Variants in CNTNAP2 observed in about 807,000 individuals in gnomAD.
The protein encoded by CNTNAP2 is contactin associated protein 2.
CNTNAP2 carries 98 observed loss-of-function variants against 155.2 expected under a neutral mutation model. The observed-to-expected ratio is 0.63, with a 90% CI of 0.54 to 0.75. The LOEUF is 0.75. CNTNAP2 is among the 30% of genes least tolerant of loss of function. CNTNAP2 has a pLI of 0.00. For missense variants in CNTNAP2, 1,727 were observed against 1,688.1 expected, an observed-to-expected ratio of 1.02 and a Z score of -0.40; for synonymous variants, 651 against 631.2, an observed-to-expected ratio of 1.03 and a Z score of -0.47.
chr7:147,231,790 T>C (rs1483698970), intron 8 of CNTNAP2, among the ~76,000 whole-genome samples: 4 of 152,226 alleles, frequency 2.6e-5, no homozygotes, highest in Non-Finnish European at 4.4e-5. Context: ...TTTTAAACAT[T>C]GAGTTGTGTG....
At position 146,680,975 on chromosome 7, in the gene CNTNAP2, TA is replaced by T. The variant is rs1800491686; in HGVS notation, c.98-93289del. ...CTATCAAAGCTGATGAGATGAATAC[TA>T]AAAAAAGGTTAATCAAAGTTTGACA... is the stretch of plus-strand genomic sequence containing the variant. On this transcript the variant is annotated intron_variant, in intron 1 of 23. Transcript: ENST00000361727. Among the ~76,000 whole-genome samples, 5 of 152,078 alleles carry T rather than the reference TA, an allele frequency of 3.3e-5. No homozygotes were observed. The South Asian group carries it at 1.0e-3, about 32-fold the overall frequency.
chr7:146,953,674 A>T (rs983754398), intron 3 of CNTNAP2, among the ~76,000 whole-genome samples: 14 of 151,952 alleles, frequency 9.2e-5, no homozygotes, highest in Non-Finnish European at 1.9e-4. Context: ...AATGGCTATG[A>T]ACTTGTTGAA....
intron 1 of CNTNAP2, among the ~76,000 whole-genome samples, chr7:146,428,040 G>A (rs1050050676): frequency 1.1e-4 from 16 of 152,148 alleles, no homozygotes; most frequent in African/African-American, 3.6e-4. Flanking sequence ...ATGGCCCCCA[G>A]CTCCATCCGT....
intron 1 of CNTNAP2, among the ~76,000 whole-genome samples, chr7:146,476,826 G>A (rs566183730): frequency 3.3e-5 from 5 of 152,100 alleles, no homozygotes; most frequent in African/African-American, 1.2e-4. Flanking sequence ...AAATTACTTG[G>A]CGAGTAGGGC....
rs141092312 is a variant in CNTNAP2 at position 147,705,744 on chromosome 7, G to A, written c.2098+66438G>A. ...ATATCCAGGTGTTCCAGTGTTAGGT[G>A]CATATGTGTTTAGAATTTTTATATC... On this transcript the variant is annotated intron_variant, in intron 13 of 23. Coordinates refer to ENST00000361727, the MANE Select transcript of CNTNAP2 (RefSeq NM_014141.6). Among the ~76,000 whole-genome samples the A allele has an allele frequency of 6.7e-4, 102 of 152,218 alleles. 1 individual carries two copies. The highest frequency in any genetic ancestry group is 3.4e-4 in the Non-Finnish European group (23 of 67,982).
chr7:146,490,284 C>T (rs1364077655), intron 1 of CNTNAP2, among the ~76,000 whole-genome samples: 2 of 152,094 alleles, frequency 1.3e-5, no homozygotes, highest in African/African-American at 4.8e-5. Flanking sequence ...AAAAATATGG[C>T]AGTGAATAAT....
At chr7:146,616,433 T>C (rs1799225366) in intron 1 of CNTNAP2, among the ~76,000 whole-genome samples, 1 of 152,162 alleles carries the variant, frequency 6.6e-6, no homozygotes, top group Admixed American at 6.5e-5. Flanking sequence ...GTGAGGATGA[T>C]GATTGTTCAA....
At chr7:147,282,494 A>T (rs1214193434) in intron 8 of CNTNAP2, among the ~76,000 whole-genome samples, 1 of 151,812 alleles carries the variant, frequency 6.6e-6, no homozygotes, top group Non-Finnish European at 1.5e-5. Context: ...CAAGAGTTAA[A>T]CATTAGGCTA....
intron 10 of CNTNAP2, among the ~76,000 whole-genome samples, chr7:147,428,681 T>C (rs1179993448): frequency 6.6e-6 from 1 of 152,182 alleles, no homozygotes; most frequent in African/African-American, 2.4e-5. Flanking sequence ...TTAAAACAGA[T>C]TCATGCTTTA....
chr7:147,285,202 A>G (rs1805149129), intron 8 of CNTNAP2, among the ~76,000 whole-genome samples: 1 of 151,924 alleles, frequency 6.6e-6, no homozygotes, highest in Admixed American at 6.6e-5. Context: ...ATATTTTAAG[A>G]TGTCTTTTCC....
At chr7:148,333,136 C>A (rs767288566) in intron 21 of CNTNAP2, among the ~76,000 whole-genome samples, 2 of 152,102 alleles carry the variant, frequency 1.3e-5, no homozygotes, top group Non-Finnish European at 2.9e-5. Flanking sequence ...TCAAAACACT[C>A]ATTTTTTCAG....
chr7:146,954,637 A>G (rs940411057), intron 3 of CNTNAP2, among the ~76,000 whole-genome samples: 1 of 151,564 alleles, frequency 6.6e-6, no homozygotes, highest in African/African-American at 2.4e-5. Flanking sequence ...CATTGTTTCT[A>G]TATCTTTTTG....
intron 1 of CNTNAP2, among the ~76,000 whole-genome samples, chr7:146,717,349 A>T (rs1207150091): frequency 1.8e-4 from 14 of 78,592 alleles, no homozygotes; most frequent in Middle Eastern, 5.7e-3. Context: ...CTAAAAAATT[A>T]AAAAAAAAAA....
intron 8 of CNTNAP2, among the ~76,000 whole-genome samples, chr7:147,200,863 T>C (rs1304369277): frequency 6.6e-6 from 1 of 152,230 alleles, no homozygotes; most frequent in East Asian, 1.9e-4. Context: ...TTCGTTGTTT[T>C]TGTCTGCTTG....
chr7:147,827,791 C>T (rs1584977226), intron 13 of CNTNAP2, among the ~76,000 whole-genome samples: 3 of 152,122 alleles, frequency 2.0e-5, no homozygotes, highest in South Asian at 4.2e-4. Flanking sequence ...AGGTTTCTGA[C>T]CAGTTGTTTT....
intron 13 of CNTNAP2, among the ~76,000 whole-genome samples, chr7:147,698,227 G>A (rs894134839): frequency 2.0e-5 from 3 of 152,156 alleles, no homozygotes; most frequent in Non-Finnish European, 4.4e-5. Context: ...CCAGACTGAA[G>A]ATACCTAATC....
In CNTNAP2 at chr7:146,502,224, A is replaced by AATATATATAT. The variant is rs59759183; in HGVS notation, c.98-272020_98-272011dup. Among the ~76,000 whole-genome samples, 452 of 94,680 alleles carry AATATATATAT rather than the reference A, an allele frequency of 4.8e-3. 11 individuals carry two copies. The highest frequency in any genetic ancestry group is 0.013 in the Middle Eastern group (2 of 152). The allele number at this position is 94,680 out of a possible 152,430, so 62.1% of individuals were successfully genotyped here. ...ATTCCATTGTGTGTGTATATATATGAATATATATATATATATATATATATA... is the reference window on the plus strand; with the variant it reads ...ATTCCATTGTGTGTGTATATATATGAATATATATATATATATATATATATATATATATATA... On this transcript the variant is annotated intron_variant, in intron 1 of 23. Coordinates refer to ENST00000361727, the MANE Select transcript of CNTNAP2 (RefSeq NM_014141.6).
chr7:148,047,802 C>T (rs575989892), intron 15 of CNTNAP2, among the ~76,000 whole-genome samples: 28 of 152,232 alleles, frequency 1.8e-4, no homozygotes, highest in Admixed American at 8.5e-4. Flanking sequence ...ACATGGAATC[C>T]GCAAATAATT....
intron 11 of CNTNAP2, among the ~76,000 whole-genome samples, chr7:147,518,590 T>C (rs1264968067): frequency 6.6e-6 from 1 of 152,174 alleles, no homozygotes; most frequent in Non-Finnish European, 1.5e-5. Context: ...TTGGATCATG[T>C]GTTCTCTCAA....
Sources: gnomAD v4.1 joint callset for allele counts (sites outside exome capture counted in the v4.1 genomes callset) on GRCh38, gnomAD v4.1.1 for gene constraint, MANE v1.5 for transcripts, NCBI Gene and HGNC (gene_info 2026-07-23, HGNC 2026-07-21) for gene names.